The following CNTN4 variants were observed in gnomAD, a reference collection of about 807,000 sequenced individuals.
The protein encoded by CNTN4 is contactin-4.
CNTN4 carries 77 observed loss-of-function variants against 122.5 expected under a neutral mutation model. That is an observed-to-expected ratio of 0.63 (90% CI 0.52 to 0.76). CNTN4 has a LOEUF of 0.76. Among genes scored for constraint, CNTN4 ranks in the 30% least tolerant of loss-of-function variants. CNTN4 has a pLI of 0.00. For missense variants in CNTN4, 1,256 were observed against 1,259.1 expected, an observed-to-expected ratio of 1.00 and a Z score of 0.04; for synonymous variants, 512 against 447.0, an observed-to-expected ratio of 1.15 and a Z score of -1.83.
At chr3:2,957,401 C>T (rs1447340437) in intron 13 of CNTN4, among the ~76,000 whole-genome samples, 1 of 151,988 alleles carries the variant, frequency 6.6e-6, no homozygotes, top group African/African-American at 2.4e-5. Flanking sequence ...ATACTGAGCA[C>T]CTTTTCATAT....
intron 13 of CNTN4, among the ~76,000 whole-genome samples, chr3:2,974,978 A>G (rs1693288917): frequency 1.3e-5 from 2 of 152,180 alleles, no homozygotes; most frequent in South Asian, 2.1e-4. Flanking sequence ...TAAATTATAT[A>G]TTCTGTATAG....
chr3:2,639,004 C>T (rs140382148), intron 4 of CNTN4, among the ~76,000 whole-genome samples: 101 of 152,254 alleles, frequency 6.6e-4, no homozygotes, highest in African/African-American at 2.3e-3. Flanking sequence ...GCCTTTTACT[C>T]CCTACAATCT....
intron 4 of CNTN4, among the ~76,000 whole-genome samples, chr3:2,729,991 A>G (rs186046616): frequency 6.6e-6 from 1 of 152,162 alleles, no homozygotes; most frequent in Non-Finnish European, 1.5e-5. Context: ...CTGAGTCCTG[A>G]TAATTAGAAT....
intron 4 of CNTN4, among the ~76,000 whole-genome samples, chr3:2,706,425 A>G (rs914921869): frequency 3.3e-5 from 5 of 152,168 alleles, no homozygotes; most frequent in Admixed American, 2.0e-4. Flanking sequence ...GAATCAGCAT[A>G]TAGAGGTGGT....
rs774409720 is a variant in CNTN4 at position 2,883,128 on chromosome 3, C to T, written c.653-17C>T. 1.9e-6 allele frequency: 3 copies of T among 1,565,096 alleles called. No individual in the cohort carries two copies. In the African/African-American group the frequency reaches 4.1e-5, roughly 21 times the overall value. ...TTAAAAGAATCTCCAAGACTTAGCC[C>T]CTTTATTTATTCACAGGAGTGATGG... On this transcript the variant is annotated splice_polypyrimidine_tract_variant and intron_variant, in intron 8 of 24. Transcript: ENST00000418658.
chr3:2,611,560 A>G (rs570987917), intron 4 of CNTN4, among the ~76,000 whole-genome samples: 1 of 152,160 alleles, frequency 6.6e-6, no homozygotes, highest in Non-Finnish European at 1.5e-5. Context: ...CCAAAAATAA[A>G]TGTGACTTAG....
chr3:2,626,051 GAGA>G (rs1199719097), intron 4 of CNTN4, among the ~76,000 whole-genome samples: 1 of 152,086 alleles, frequency 6.6e-6, no homozygotes, highest in Non-Finnish European at 1.5e-5. Context: ...TCCTTATTTG[GAGA>G]AGTTCTGTGT....
At chr3:2,208,887 C>T (rs2038482429) in intron 2 of CNTN4, among the ~76,000 whole-genome samples, 1 of 152,092 alleles carries the variant, frequency 6.6e-6, no homozygotes, top group Non-Finnish European at 1.5e-5. Context: ...GAAATATGTA[C>T]ATTGTTTTTT....
At chr3:2,500,159 A>C (rs552173577) in intron 3 of CNTN4, among the ~76,000 whole-genome samples, 1 of 152,236 alleles carries the variant, frequency 6.6e-6, no homozygotes, top group East Asian at 1.9e-4. Context: ...ATTGGACTTT[A>C]AAAGTTTTAT....
chr3:2,849,729 G>C (rs1037849750), intron 7 of CNTN4, among the ~76,000 whole-genome samples: 1 of 152,186 alleles, frequency 6.6e-6, no homozygotes, highest in African/African-American at 2.4e-5. Context: ...ATATGAAAAG[G>C]GTTCAGCCAG....
At chr3:2,771,578 A>G (rs1438641220) in intron 6 of CNTN4, among the ~76,000 whole-genome samples, 1 of 152,224 alleles carries the variant, frequency 6.6e-6, no homozygotes. Context: ...TTAAGGACCA[A>G]TTGAGACAAA....
chr3:2,816,954 A>T (rs1189715891), intron 6 of CNTN4, among the ~76,000 whole-genome samples: 1 of 152,192 alleles, frequency 6.6e-6, no homozygotes, highest in Non-Finnish European at 1.5e-5. Flanking sequence ...CTTAATCATG[A>T]GTGTACAAAC....
chr3:2,781,900 T>G (rs1257842251), intron 6 of CNTN4, among the ~76,000 whole-genome samples: 9 of 138,630 alleles, frequency 6.5e-5, no homozygotes, highest in African/African-American at 2.5e-4. Flanking sequence ...ATTTTTTGTA[T>G]TTTTAGTAGA....
intron 10 of CNTN4, among the ~76,000 whole-genome samples, chr3:2,895,565 G>A (rs991658303): frequency 1.3e-5 from 2 of 152,142 alleles, no homozygotes; most frequent in African/African-American, 2.4e-5. Flanking sequence ...TTGGCCTATG[G>A]GAGATGCCAT....
chr3:2,501,519 C>T (rs1239786018), intron 3 of CNTN4, among the ~76,000 whole-genome samples: 1 of 152,142 alleles, frequency 6.6e-6, no homozygotes, highest in African/African-American at 2.4e-5. Flanking sequence ...TTACCTTTAT[C>T]AACTTCTAGA....
At chr3:2,794,547 A>C (rs1332599086) in intron 6 of CNTN4, among the ~76,000 whole-genome samples, 1 of 152,212 alleles carries the variant, frequency 6.6e-6, no homozygotes, top group Non-Finnish European at 1.5e-5. Flanking sequence ...AAGAAGAGTG[A>C]AAGTATCGAC....
intron 3 of CNTN4, among the ~76,000 whole-genome samples, chr3:2,549,736 T>C (rs1249227361): frequency 2.0e-5 from 3 of 152,108 alleles, no homozygotes; most frequent in Admixed American, 6.6e-5. Flanking sequence ...GGAGGAGTCC[T>C]TCTTTTTCTG....
At chr3:2,590,599 C>T (rs962687839) in intron 4 of CNTN4, among the ~76,000 whole-genome samples, 1 of 151,854 alleles carries the variant, frequency 6.6e-6, no homozygotes, top group African/African-American at 2.4e-5. Flanking sequence ...GAGTTGGTTC[C>T]TGCTGCCTTC....
chr3:2,517,794 A>C (rs1357713109), intron 3 of CNTN4, among the ~76,000 whole-genome samples: 1 of 152,126 alleles, frequency 6.6e-6, no homozygotes, highest in African/African-American at 2.4e-5. Flanking sequence ...CACAGGCATA[A>C]TGCTTGACTC....
Sources: gnomAD v4.1 joint callset for allele counts (sites outside exome capture counted in the v4.1 genomes callset) on GRCh38, gnomAD v4.1.1 for gene constraint, MANE v1.5 for transcripts, NCBI Gene and HGNC (gene_info 2026-07-23, HGNC 2026-07-21) for gene names.